Variants in CES5A observed in about 807,000 individuals in gnomAD.
The protein encoded by CES5A is carboxylesterase 5.
A neutral mutation model predicts 62.9 loss-of-function variants in CES5A; 67 were observed. The observed-to-expected ratio is 1.07, with a 90% confidence interval of 0.88 to 1.31. The LOEUF (loss-of-function observed/expected upper bound fraction) is 1.31, where lower values mean the gene tolerates loss of function less well. Ranked by LOEUF, CES5A falls within the 50% of genes most tolerant of loss-of-function variation. The pLI is 0.00. For missense variants in CES5A, 748 were observed against 708.5 expected (o/e 1.06, Z -0.63); for synonymous variants, 296 against 280.8 (o/e 1.05, Z -0.54).
intron 2 of CES5A, among the ~76,000 whole-genome samples, chr16:55,939,996 C>G: frequency 6.6e-6 from 1 of 151,556 alleles, no homozygotes; most frequent in East Asian, 1.9e-4. Context: ...TACAGCCTAT[C>G]AAAATTTGTG....
At chr16:55,901,583 T>G (rs1349707153) in intron 1 of CES5A, among the ~76,000 whole-genome samples, 3 of 152,168 alleles carry the variant, frequency 2.0e-5, no homozygotes, top group Non-Finnish European at 2.9e-5. Flanking sequence ...ACAAAATGTA[T>G]CCAATCCTTG....
intron 1 of CES5A, among the ~76,000 whole-genome samples, chr16:55,914,959 C>T (rs2034131548): frequency 6.6e-6 from 1 of 151,926 alleles, no homozygotes; most frequent in Non-Finnish European, 1.5e-5. Flanking sequence ...GTGCTATTAT[C>T]ACTACTCTTG....
At chr16:55,847,857 CAA>C (rs1286418213) in intron 11 of CES5A, among the ~76,000 whole-genome samples, 39 of 152,106 alleles carry the variant, frequency 2.6e-4, no homozygotes, top group African/African-American at 9.2e-4. Context: ...TATAATTACA[CAA>C]AAACACTAGA....
chr16:55,933,054 C>T (rs1239638372), intron 2 of CES5A, among the ~76,000 whole-genome samples: 1 of 152,132 alleles, frequency 6.6e-6, no homozygotes, highest in Non-Finnish European at 1.5e-5. Flanking sequence ...ATTTTTTGCC[C>T]ACATGAGAGT....
intron 1 of CES5A, among the ~76,000 whole-genome samples, chr16:55,896,075 T>C (rs1023711746): frequency 6.6e-6 from 1 of 152,192 alleles, no homozygotes; most frequent in Non-Finnish European, 1.5e-5. Flanking sequence ...GAAAGAGGTT[T>C]AATTGACTCA....
At chr16:55,924,029 C>T (rs961427903) in intron 1 of CES5A, among the ~76,000 whole-genome samples, 2 of 151,788 alleles carry the variant, frequency 1.3e-5, no homozygotes, top group South Asian at 2.1e-4. Context: ...CCACTTTCAC[C>T]GCTTTTATTC....
At chr16:55,948,875 G>T (rs574726976) in intron 2 of CES5A, among the ~76,000 whole-genome samples, 22 of 152,182 alleles carry the variant, frequency 1.4e-4, no homozygotes, top group Non-Finnish European at 2.4e-4. Context: ...ATGACTCCAA[G>T]ATTTTTGTCT....
At chr16:55,940,096 T>C (rs1399978374) in intron 2 of CES5A, among the ~76,000 whole-genome samples, 1 of 150,998 alleles carries the variant, frequency 6.6e-6, no homozygotes, top group African/African-American at 2.4e-5. Context: ...AAAATAAAGA[T>C]CTCAAATCAG....
intron 1 of CES5A, among the ~76,000 whole-genome samples, chr16:55,894,021 T>C (rs1157762505): frequency 6.6e-6 from 1 of 151,452 alleles, no homozygotes; most frequent in East Asian, 1.9e-4. Context: ...AAAAAAGCAA[T>C]AAGAATGGTG....
In CES5A at chr16:55,861,481, C is replaced by T. The variant is rs117959025; in HGVS notation, c.846G>A (p.Ala282=). 856 of 1,613,780 alleles carry T rather than the reference C, an allele frequency of 5.3e-4. 6 individuals carry two copies. The East Asian group carries it at 0.014, about 27-fold the overall frequency. The change falls in exon 7 of 13, where the codon GCG becomes GCA. Residue 282 remains alanine (A), a synonymous_variant. Transcript: ENST00000290567. ...QVVAHFCGNN[A]SDSEALLRCL... ...ACCTCAGCAGGGCCTCAGAGTCTGA[C>T]GCATTGTTACCACAGAAATGTGCAA... is the stretch of plus-strand genomic sequence containing the variant.
chr16:55,914,899 A>G (rs941344942), intron 1 of CES5A, among the ~76,000 whole-genome samples: 3 of 152,194 alleles, frequency 2.0e-5, no homozygotes, highest in Non-Finnish European at 4.4e-5. Flanking sequence ...CTGTGGTTAC[A>G]TAAGATGTTA....
At chr16:55,956,007 C>T (rs2034606672) in exon 1 of CES5A, 1 of 1,056,146 alleles carries the variant, frequency 9.5e-7, no homozygotes, top group Non-Finnish European at 1.4e-6. Flanking sequence ...AATGAGTTCA[C>T]CACTTTCCTC....
chr16:55,937,029 T>C (rs893293413), intron 2 of CES5A, among the ~76,000 whole-genome samples: 1 of 152,158 alleles, frequency 6.6e-6, no homozygotes, highest in Non-Finnish European at 1.5e-5. Flanking sequence ...GGCAGATACA[T>C]GATACTATCA....
At chr16:55,953,335 A>T (rs12922561) in intron 1 of CES5A, among the ~76,000 whole-genome samples, 1 of 152,200 alleles carries the variant, frequency 6.6e-6, no homozygotes, top group Non-Finnish European at 1.5e-5. Flanking sequence ...TTACGTAAAG[A>T]CAAGAGAAGA....
intron 2 of CES5A, among the ~76,000 whole-genome samples, chr16:55,934,743 C>T (rs1270924067): frequency 6.6e-6 from 1 of 151,910 alleles, no homozygotes; most frequent in Admixed American, 6.6e-5. Context: ...TTATAAGATA[C>T]TGCCTTGTGT....
chr16:55,889,485 T>C (rs2033852344), intron 1 of CES5A, among the ~76,000 whole-genome samples: 1 of 152,114 alleles, frequency 6.6e-6, no homozygotes, highest in Non-Finnish European at 1.5e-5. Context: ...TACTCACTTA[T>C]TGGAAAGGAT....
At chr16:55,881,673 T>A (rs76346366) in intron 1 of CES5A, among the ~76,000 whole-genome samples, 3,448 of 152,142 alleles carry the variant, frequency 0.023, 97 homozygotes, top group Admixed American at 0.088. Flanking sequence ...AATAAATACA[T>A]CTCCTAGAAT....
rs772366713 is a variant in CES5A, at chr16:55,846,420, A to C, written c.*31T>G. On this transcript the variant is annotated 3_prime_UTR_variant, in exon 13 of 13. Coordinates refer to ENST00000290567, the MANE Select transcript of CES5A (RefSeq NM_001143685.2). ...TTGCGGGAGAAATTATGGGAGGAGA[A>C]GGGAAACCAAAATCACAGAAAGATA... 10 of 1,568,398 alleles carry C rather than the reference A, an allele frequency of 6.4e-6. No individual in the cohort carries two copies. The highest frequency in any genetic ancestry group is 8.8e-6 in the Non-Finnish European group (10 of 1,140,594).
chr16:55,879,356 A>C (rs1335717792), upstream of CES5A, among the ~76,000 whole-genome samples: 1 of 151,280 alleles, frequency 6.6e-6, no homozygotes, highest in Non-Finnish European at 1.5e-5. Flanking sequence ...GTACTACATC[A>C]CTGTACCCCC....
Sources: allele counts gnomAD v4.1 joint callset (sites outside exome capture counted in the v4.1 genomes callset), GRCh38; gene constraint gnomAD v4.1.1; transcripts MANE v1.5; gene names NCBI Gene and HGNC (gene_info 2026-07-23, HGNC 2026-07-21).